TRHDE: variants seen among roughly 807,000 people sequenced by gnomAD.
TRHDE encodes thyrotropin releasing hormone degrading enzyme, also known as thyrotropin-releasing hormone-degrading ectoenzyme.
Under a neutral mutation model 125.7 loss-of-function variants are expected in TRHDE, and 72 were observed. That is an observed-to-expected ratio of 0.57 (90% CI 0.47 to 0.70). The LOEUF (loss-of-function observed/expected upper bound fraction) is 0.70. Ranked by LOEUF, TRHDE falls within the 30% of genes least tolerant of loss-of-function variation. TRHDE has a pLI of 0.00. For missense variants in TRHDE, 1,110 were observed against 1,327.1 expected, an observed-to-expected ratio of 0.84 and a Z score of 2.54; for synonymous variants, 509 against 509.1, an observed-to-expected ratio of 1.00 and a Z score of 0.00.
intron 3 of TRHDE, among the ~76,000 whole-genome samples, chr12:72,404,188 T>C (rs919536456): frequency 6.6e-6 from 1 of 151,810 alleles, no homozygotes; most frequent in African/African-American, 2.4e-5. Context: ...CTGAGGCGGG[T>C]GGATCACCTG....
intron 6 of TRHDE, among the ~76,000 whole-genome samples, chr12:72,514,864 A>G (rs1440572830): frequency 7.5e-6 from 1 of 132,552 alleles, no homozygotes. Context: ...TTCAATTCCC[A>G]CCTATGAGTG....
intron 6 of TRHDE, among the ~76,000 whole-genome samples, chr12:72,519,849 T>C (rs1879090244): frequency 1.3e-5 from 2 of 152,154 alleles, no homozygotes; most frequent in South Asian, 4.1e-4. Flanking sequence ...TGTTTGTTAG[T>C]TTTCCTTCTA....
At chr12:72,495,098 T>A (rs1046105820) in intron 5 of TRHDE, among the ~76,000 whole-genome samples, 18 of 129,028 alleles carry the variant, frequency 1.4e-4, no homozygotes, top group Non-Finnish European at 2.1e-4. Flanking sequence ...AGTTTCATCA[T>A]GTCTAAAAGC....
At chr12:72,324,803 A>G (rs776968337) in intron 2 of TRHDE, among the ~76,000 whole-genome samples, 4 of 152,168 alleles carry the variant, frequency 2.6e-5, no homozygotes, top group Non-Finnish European at 5.9e-5. Context: ...TTTCTGTATC[A>G]GAAGGAGGCC....
At chr12:72,658,573 C>T (rs1228628608) in intron 18 of TRHDE, among the ~76,000 whole-genome samples, 1 of 152,084 alleles carries the variant, frequency 6.6e-6, no homozygotes, top group Admixed American at 6.6e-5. Flanking sequence ...TGGTATTACC[C>T]AGGCTATGAA....
chr12:72,613,077 T>C (rs1347430308), intron 12 of TRHDE, among the ~76,000 whole-genome samples: 3 of 152,190 alleles, frequency 2.0e-5, no homozygotes, highest in Non-Finnish European at 4.4e-5. Flanking sequence ...CTAGAAATCA[T>C]GTCGTTTACC....
chr12:72,315,564 T>G (rs1189758884), intron 2 of TRHDE, among the ~76,000 whole-genome samples: 1 of 152,220 alleles, frequency 6.6e-6, no homozygotes, highest in African/African-American at 2.4e-5. Flanking sequence ...GCTGTAAAAT[T>G]ATGGTATGCA....
In TRHDE at chr12:72,608,082, G is replaced by A. The variant is rs751820623; in HGVS notation, c.2322-10809G>A. The stretch of plus-strand genomic sequence containing the variant: ...ATGAACTAGAGCTGTACTTGGTTTT[G>A]AGATTTATTTTTGAGATATTTAATT... On this transcript the variant is annotated intron_variant, in intron 12 of 18. Transcript: ENST00000261180. Among the ~76,000 whole-genome samples, 176 of 152,030 alleles carry A rather than the reference G, an allele frequency of 1.2e-3. 3 individuals are homozygous for A. The highest frequency in any genetic ancestry group is 2.9e-4 in the Non-Finnish European group (20 of 67,972).
intron 2 of TRHDE, among the ~76,000 whole-genome samples, chr12:72,231,408 C>A (rs901706105): frequency 2.0e-5 from 3 of 152,250 alleles, no homozygotes; most frequent in East Asian, 1.9e-4. Context: ...TCCCCCACCC[C>A]CTTTTGGAGG....
chr12:72,615,055 A>G (rs569604139), intron 12 of TRHDE, among the ~76,000 whole-genome samples: 3 of 152,266 alleles, frequency 2.0e-5, no homozygotes, highest in Non-Finnish European at 4.4e-5. Flanking sequence ...TGGGAGGAGC[A>G]GCTGTCTAGC....
chr12:72,327,004 G>T (rs1053592317), intron 2 of TRHDE, among the ~76,000 whole-genome samples: 1 of 151,576 alleles, frequency 6.6e-6, no homozygotes, highest in Non-Finnish European at 1.5e-5. Context: ...TCTATGTTTT[G>T]TTCCTTCCTT....
chr12:72,440,523 T>G (rs1874956269), intron 3 of TRHDE, among the ~76,000 whole-genome samples: 1 of 151,954 alleles, frequency 6.6e-6, no homozygotes, highest in African/African-American at 2.4e-5. Flanking sequence ...TTACATTTCA[T>G]GTTAATAATG....
intron 2 of TRHDE, among the ~76,000 whole-genome samples, chr12:72,317,797 C>T (rs1485642276): frequency 2.0e-5 from 3 of 152,020 alleles, no homozygotes; most frequent in Non-Finnish European, 2.9e-5. Context: ...GGGCAGGGAA[C>T]ATTCAACGGA....
Position 72,457,800 on chromosome 12 carries a change from A to G in TRHDE, c.1316-11958A>G, listed in dbSNP as rs114826014. The stretch of plus-strand genomic sequence containing the variant: ...AATTTCTTTTAAAGGTAACCACTTC[A>G]TACTCACACTGTCTAAAGTACATAA... On this transcript the variant is annotated intron_variant, in intron 3 of 18. Transcript: ENST00000261180. Among the ~76,000 whole-genome samples, 802 of 152,358 alleles carry G rather than the reference A, an allele frequency of 5.3e-3. 2 individuals are homozygous for G. The highest frequency in any genetic ancestry group is 0.018 in the African/African-American group (761 of 41,580).
chr12:72,422,416 A>G (rs776668956), intron 3 of TRHDE, among the ~76,000 whole-genome samples: 2 of 152,224 alleles, frequency 1.3e-5, no homozygotes, highest in African/African-American at 2.4e-5. Flanking sequence ...ATGCAGTGTC[A>G]AGTGACTGAG....
chr12:72,388,072 C>T (rs893393492), intron 3 of TRHDE, among the ~76,000 whole-genome samples: 1 of 152,060 alleles, frequency 6.6e-6, no homozygotes, highest in Non-Finnish European at 1.5e-5. Context: ...TCCTACTCCT[C>T]TCTGTTTCAG....
At chr12:72,126,882 C>G (rs144553825) in intron 2 of TRHDE, among the ~76,000 whole-genome samples, 19 of 152,104 alleles carry the variant, frequency 1.2e-4, no homozygotes, top group South Asian at 6.2e-4. Flanking sequence ...TTCTGCACAG[C>G]CAAAGAAACG....
At chr12:72,196,262 T>A (rs2139351975) in intron 2 of TRHDE, among the ~76,000 whole-genome samples, 1 of 152,216 alleles carries the variant, frequency 6.6e-6, no homozygotes, top group East Asian at 1.9e-4. Context: ...CCATGAAGAA[T>A]GATATTGGTA....
At chr12:72,160,513 A>G (rs1304916007) in intron 2 of TRHDE, among the ~76,000 whole-genome samples, 1 of 152,022 alleles carries the variant, frequency 6.6e-6, no homozygotes, top group Admixed American at 6.6e-5. Context: ...ATAGCAAAAC[A>G]ACATCTCTAC....
Sources: gnomAD v4.1 joint callset for allele counts (sites outside exome capture counted in the v4.1 genomes callset) on GRCh38, gnomAD v4.1.1 for gene constraint, MANE v1.5 for transcripts, NCBI Gene and HGNC (gene_info 2026-07-23, HGNC 2026-07-21) for gene names.